CTNNA3: variants seen among roughly 807,000 people sequenced by gnomAD.
CTNNA3 encodes catenin alpha 3.
Under a neutral mutation model 95.7 loss-of-function variants are expected in CTNNA3, and 76 were observed. The observed-to-expected ratio is 0.79, with a 90% CI of 0.66 to 0.96. The LOEUF (loss-of-function observed/expected upper bound fraction) is 0.96, where lower values mean the gene tolerates loss of function less well. Ranked by LOEUF, CTNNA3 falls within the 40% of genes least tolerant of loss-of-function variation. The probability of loss-of-function intolerance (pLI) is 0.00; values close to 1 mark genes in which losing one functional copy is unlikely to be tolerated. For missense variants in CTNNA3, 1,191 were observed against 1,089.8 expected (o/e 1.09, Z -1.31); for synonymous variants, 431 against 374.4 (o/e 1.15, Z -1.74).
chr10:66,618,010 T>G (rs960925167), intron 10 of CTNNA3, among the ~76,000 whole-genome samples: 1 of 151,538 alleles, frequency 6.6e-6, no homozygotes, highest in East Asian at 1.9e-4. Context: ...ACAAGGGACG[T>G]GAAGGACCTC....
chr10:66,193,662 A>G (rs887570511), intron 13 of CTNNA3, among the ~76,000 whole-genome samples: 2 of 152,162 alleles, frequency 1.3e-5, no homozygotes, highest in Non-Finnish European at 2.9e-5. Flanking sequence ...GCTTCCCAAA[A>G]TAATTACCTA....
chr10:65,954,769 A>G (rs1483794877), intron 17 of CTNNA3, among the ~76,000 whole-genome samples: 2 of 152,214 alleles, frequency 1.3e-5, no homozygotes. Context: ...TACCAGTACC[A>G]TGCTGTTTGG....
intron 11 of CTNNA3, among the ~76,000 whole-genome samples, chr10:66,483,671 T>A (rs113269189): frequency 6.6e-6 from 1 of 152,138 alleles, no homozygotes; most frequent in African/African-American, 2.4e-5. Context: ...ACATGGACAC[T>A]GGTTTATTGG....
chr10:66,515,329 G>GTCTCTCTC (rs373915427), intron 11 of CTNNA3, among the ~76,000 whole-genome samples: 16 of 128,104 alleles, frequency 1.2e-4, no homozygotes, highest in South Asian at 2.4e-4. Flanking sequence ...CTCCCTCTCT[G>GTCTCTCTC]TCTCTCTCTC....
intron 5 of CTNNA3, among the ~76,000 whole-genome samples, chr10:67,446,497 A>G (rs1417930274): frequency 6.6e-6 from 1 of 152,166 alleles, no homozygotes. Context: ...CTCACTTATC[A>G]TCTATGTAAG....
chr10:67,590,039 G>A (rs1842746522), intron 3 of CTNNA3, among the ~76,000 whole-genome samples: 1 of 152,024 alleles, frequency 6.6e-6, no homozygotes, highest in African/African-American at 2.4e-5. Flanking sequence ...TCACTATGCT[G>A]ACTACACTGT....
chr10:67,582,531 T>C (rs981689890), intron 3 of CTNNA3, among the ~76,000 whole-genome samples: 1 of 152,192 alleles, frequency 6.6e-6, no homozygotes, highest in Non-Finnish European at 1.5e-5. Context: ...AGAATGTATA[T>C]TCTGTTGGTT....
rs559836583 is a variant in CTNNA3, at chr10:66,227,017, C to A, written c.1884+53453G>T. Among the ~76,000 whole-genome samples the A allele has an allele frequency of 9.9e-5, 15 of 152,028 alleles. 1 individual carries two copies. The South Asian group carries it at 2.9e-3, about 29-fold the overall frequency. ...TCTCCATATAGGGATAATTTGACTT[C>A]CTCTTTTTTGAGTTGGATATACTTT... On this transcript the variant is annotated intron_variant, in intron 13 of 17. Coordinates refer to ENST00000433211, the MANE Select transcript of CTNNA3 (RefSeq NM_013266.4).
At chr10:66,805,146 A>G (rs2132245717) in intron 7 of CTNNA3, among the ~76,000 whole-genome samples, 1 of 152,180 alleles carries the variant, frequency 6.6e-6, no homozygotes, top group African/African-American at 2.4e-5. Context: ...CATGTCCTGT[A>G]TGACTCCACT....
At chr10:66,213,727 G>A (rs915549810) in intron 13 of CTNNA3, among the ~76,000 whole-genome samples, 5 of 152,074 alleles carry the variant, frequency 3.3e-5, no homozygotes, top group Admixed American at 6.6e-5. Flanking sequence ...TAGTGCCTAC[G>A]ATTGTAAGAC....
rs567679567 is a variant in CTNNA3 at position 67,481,884 on chromosome 10, C to T, written c.579+39958G>A. On this transcript the variant is annotated intron_variant, in intron 5 of 17. Coordinates refer to ENST00000433211, the MANE Select transcript of CTNNA3 (RefSeq NM_013266.4). Reference sequence around the variant, plus strand: ...TTCTAGGGTTTTTATGGTTTTAGGTCTAATGTTTAAGTCTTTAATCCATCG... The same window carrying T: ...TTCTAGGGTTTTTATGGTTTTAGGTTTAATGTTTAAGTCTTTAATCCATCG... Among the ~76,000 whole-genome samples, 41 of 152,006 alleles carry T rather than the reference C, an allele frequency of 2.7e-4. 1 individual carries two copies. In the East Asian group the frequency reaches 7.7e-3, roughly 29 times the overall value.
At chr10:66,115,997 A>G (rs10996908) in intron 13 of CTNNA3, among the ~76,000 whole-genome samples, 69,217 of 151,654 alleles carry the variant, frequency 0.46, 17,482 homozygotes, top group African/African-American at 0.69. Flanking sequence ...TACACTGCTA[A>G]ATTAAAGTAG....
chr10:67,018,929 A>C (rs1852821747), intron 7 of CTNNA3, among the ~76,000 whole-genome samples: 1 of 152,198 alleles, frequency 6.6e-6, no homozygotes, highest in African/African-American at 2.4e-5. Context: ...GGTTAAAGGG[A>C]AACTATTAAG....
intron 12 of CTNNA3, among the ~76,000 whole-genome samples, chr10:66,360,784 TCTTC>T (rs1234588454): frequency 0.036 from 1,877 of 52,722 alleles, 213 homozygotes; most frequent in South Asian, 0.051. Context: ...TTTCTTTCTT[TCTTC>T]CTTCCTTCCT....
chr10:66,019,961 G>A (rs2079169832), intron 15 of CTNNA3, among the ~76,000 whole-genome samples: 1 of 152,114 alleles, frequency 6.6e-6, no homozygotes, highest in Admixed American at 6.6e-5. Flanking sequence ...ATTTACCTCA[G>A]AGGAATTACA....
chr10:66,809,959 C>A (rs1841810067), intron 7 of CTNNA3, among the ~76,000 whole-genome samples: 1 of 152,102 alleles, frequency 6.6e-6, no homozygotes, highest in South Asian at 2.1e-4. Flanking sequence ...CAACTGCTAC[C>A]ATGCCCGGCT....
chr10:67,733,078 A>C (rs1841284954), intron 1 of CTNNA3, among the ~76,000 whole-genome samples: 1 of 152,202 alleles, frequency 6.6e-6, no homozygotes, highest in Non-Finnish European at 1.5e-5. Flanking sequence ...ATAATGAAAA[A>C]TGTAAATATT....
At chr10:66,365,854 G>A (rs2092707639) in intron 12 of CTNNA3, among the ~76,000 whole-genome samples, 1 of 151,956 alleles carries the variant, frequency 6.6e-6, no homozygotes, top group Admixed American at 6.6e-5. Flanking sequence ...CCCATTTAGT[G>A]AGGAACTGAA....
intron 1 of CTNNA3, among the ~76,000 whole-genome samples, chr10:67,651,322 A>G (rs1012171105): frequency 6.6e-6 from 1 of 152,136 alleles, no homozygotes; most frequent in Non-Finnish European, 1.5e-5. Flanking sequence ...CTCTCATCAC[A>G]TCTTTAAACA....
Sources: allele counts gnomAD v4.1 joint callset (sites outside exome capture counted in the v4.1 genomes callset), GRCh38; gene constraint gnomAD v4.1.1; transcripts MANE v1.5; gene names NCBI Gene and HGNC (gene_info 2026-07-23, HGNC 2026-07-21).